Variants in KPNA3 observed in about 807,000 individuals in gnomAD.
The protein encoded by KPNA3 is importin subunit alpha-4.
In KPNA3, 13 loss-of-function variants were observed where a neutral mutation model predicts 73.8. The observed-to-expected ratio is 0.18, with a 90% CI of 0.11 to 0.28. KPNA3 has a LOEUF of 0.28. Ranked by LOEUF, KPNA3 falls within the 10% of genes least tolerant of loss-of-function variation. The pLI is 1.00. For synonymous variants in KPNA3, 186 were observed against 206.9 expected (o/e 0.90, Z 0.87); for missense variants, 360 against 618.1 (o/e 0.58, Z 4.43).
At chr13:49,723,588 C>G (rs923270811) in intron 7 of KPNA3, among the ~76,000 whole-genome samples, 1 of 146,642 alleles carries the variant, frequency 6.8e-6, no homozygotes, top group African/African-American at 2.5e-5. Flanking sequence ...AAATATCATA[C>G]TCAGCCGGGC....
At chr13:49,781,314 C>T (rs1052046970) in intron 1 of KPNA3, among the ~76,000 whole-genome samples, 1 of 152,164 alleles carries the variant, frequency 6.6e-6, no homozygotes, top group Non-Finnish European at 1.5e-5. Flanking sequence ...AGGAAAATGG[C>T]TATTAAGGGC....
At chr13:49,787,615 T>C (rs1434100767) in intron 1 of KPNA3, among the ~76,000 whole-genome samples, 1 of 152,004 alleles carries the variant, frequency 6.6e-6, no homozygotes, top group Non-Finnish European at 1.5e-5. Flanking sequence ...CAAGTGATTC[T>C]CTCGCCTCAG....
intron 1 of KPNA3, among the ~76,000 whole-genome samples, chr13:49,770,181 T>C (rs1954841800): frequency 1.6e-5 from 2 of 126,422 alleles, no homozygotes; most frequent in African/African-American, 7.4e-5. Context: ...GTGGGCTGCT[T>C]TTTTTTTTTT....
At chr13:49,745,420 C>T (rs1343491411) in intron 2 of KPNA3, among the ~76,000 whole-genome samples, 2 of 135,932 alleles carry the variant, frequency 1.5e-5, no homozygotes, top group East Asian at 2.0e-4. Flanking sequence ...AGTGTAGTGG[C>T]GTGACCCTGG....
chr13:49,780,913 G>A (rs1297694404), intron 1 of KPNA3, among the ~76,000 whole-genome samples: 15 of 151,806 alleles, frequency 9.9e-5, no homozygotes, highest in African/African-American at 2.4e-4. Context: ...TAGAGACAGC[G>A]TTTCACCATG....
intron 1 of KPNA3, among the ~76,000 whole-genome samples, chr13:49,757,720 C>T (rs769607704): frequency 1.1e-4 from 16 of 152,142 alleles, no homozygotes; most frequent in South Asian, 8.3e-4. Context: ...ACAACCTGTA[C>T]GCAAATGTTT....
At chr13:49,758,795 A>G (rs942302447) in intron 1 of KPNA3, among the ~76,000 whole-genome samples, 7 of 152,142 alleles carry the variant, frequency 4.6e-5, no homozygotes, top group Admixed American at 1.3e-4. Context: ...CACACACAAA[A>G]TTTTGTTTTA....
At chr13:49,711,333 CA>C (rs1056673091) in intron 10 of KPNA3, among the ~76,000 whole-genome samples, 11 of 152,206 alleles carry the variant, frequency 7.2e-5, no homozygotes, top group African/African-American at 2.7e-4. Context: ...CCTGCCCTCA[CA>C]AATTAGCTAC....
intron 1 of KPNA3, among the ~76,000 whole-genome samples, chr13:49,761,285 G>C (rs7982783): frequency 0.85 from 128,490 of 152,004 alleles, 54,542 homozygotes; most frequent in East Asian, 1. Context: ...CCCTCTAATG[G>C]CGAGCCGAAG....
chr13:49,753,013 C>G (rs1331202481), intron 1 of KPNA3, among the ~76,000 whole-genome samples: 2 of 110,590 alleles, frequency 1.8e-5, no homozygotes, highest in Non-Finnish European at 3.3e-5. Context: ...GGTGACAGAG[C>G]GAGACTCTGT....
rs554153812 is a variant in KPNA3, at chr13:49,762,932, A to AGAAG, written c.70-15940_70-15939insCTTC. Among the ~76,000 whole-genome samples, 7 of 148,222 alleles carry AGAAG rather than the reference A, an allele frequency of 4.7e-5. No homozygotes were observed. The South Asian group carries it at 8.5e-4, about 18-fold the overall frequency. ...ACCAAGGCTGGCTTAAAAAACAAAA[A>AGAAG]AAGAAGAGGAGAGGTCGGTCAAGTT... On this transcript the variant is annotated intron_variant, in intron 1 of 16. Coordinates refer to ENST00000261667, the MANE Select transcript of KPNA3 (RefSeq NM_002267.4).
At chr13:49,789,810 T>C (rs575380253) in intron 1 of KPNA3, among the ~76,000 whole-genome samples, 15 of 152,294 alleles carry the variant, frequency 9.8e-5, no homozygotes, top group African/African-American at 3.6e-4. Flanking sequence ...CCCTCTAGTC[T>C]GGAATGCCCC....
Position 49,713,671 on chromosome 13 carries a change from ACAC to A in KPNA3, c.772-2652_772-2650del, listed in dbSNP as rs1566334951. The stretch of plus-strand genomic sequence containing the variant: ...CACACACACACACACACACACACAC[ACAC>A]AAAACAGAAAAACCCAACAACAAAA... On this transcript the variant is annotated intron_variant, in intron 10 of 16. Transcript: ENST00000261667. 3.2e-4 allele frequency among the ~76,000 whole-genome samples: 48 copies of A among 149,452 alleles called. No individual in the cohort carries two copies. In the East Asian group the frequency reaches 4.1e-3, roughly 13 times the overall value.
intron 1 of KPNA3, among the ~76,000 whole-genome samples, chr13:49,771,634 ATTTATT>A (rs1417823083): frequency 6.6e-6 from 1 of 151,830 alleles, no homozygotes; most frequent in Non-Finnish European, 1.5e-5. Flanking sequence ...TTTTGATTTT[ATTTATT>A]TTTGAGACAG....
intron 1 of KPNA3, among the ~76,000 whole-genome samples, chr13:49,783,365 T>C (rs1424481581): frequency 1.6e-4 from 24 of 152,174 alleles, no homozygotes; most frequent in Admixed American, 1.6e-3. Flanking sequence ...CAAGAAAGGA[T>C]AGCTACATCC....
intron 1 of KPNA3, among the ~76,000 whole-genome samples, chr13:49,775,934 A>C (rs1302010072): frequency 6.6e-6 from 1 of 152,202 alleles, no homozygotes; most frequent in Non-Finnish European, 1.5e-5. Context: ...GGATTTATTT[A>C]GTTCCAAGCC....
chr13:49,743,343 T>C (rs1291816056), intron 2 of KPNA3, among the ~76,000 whole-genome samples: 1 of 152,082 alleles, frequency 6.6e-6, no homozygotes, highest in African/African-American at 2.4e-5. Context: ...GGAAGAATCT[T>C]CTCTTGAAGA....
At chr13:49,706,467 T>A in intron 12 of KPNA3, 95 bp from the exon 13 acceptor site, 1 of 809,776 alleles carries the variant, frequency 1.2e-6, no homozygotes, top group Non-Finnish European at 1.9e-6. Flanking sequence ...CAAAATCACC[T>A]GAATTACGTT....
intron 1 of KPNA3, among the ~76,000 whole-genome samples, chr13:49,749,060 TTAAC>T (rs1234314195): frequency 1.3e-5 from 2 of 152,220 alleles, no homozygotes; most frequent in Non-Finnish European, 2.9e-5. Flanking sequence ...TTTGCAACAC[TTAAC>T]TATTTATGAA....
Sources: allele counts gnomAD v4.1 joint callset (sites outside exome capture counted in the v4.1 genomes callset), GRCh38; gene constraint gnomAD v4.1.1; transcripts MANE v1.5; gene names NCBI Gene and HGNC (gene_info 2026-07-23, HGNC 2026-07-21).